The following PRICKLE2 variants were observed in gnomAD, a reference collection of about 807,000 sequenced individuals.
The protein encoded by PRICKLE2 is prickle-like protein 2.
In PRICKLE2, 21 loss-of-function variants were observed where a neutral mutation model predicts 81.4. The observed-to-expected ratio is 0.26, with a 90% CI of 0.18 to 0.37. The LOEUF is 0.37. Ranked by LOEUF, PRICKLE2 falls within the 10% of genes least tolerant of loss-of-function variation. PRICKLE2 has a pLI of 1.00. For synonymous variants in PRICKLE2, 456 were observed against 421.5 expected (o/e 1.08, Z -1.00); for missense variants, 940 against 1,109.0 (o/e 0.85, Z 2.16).
chr3:64,170,529 T>C (rs1031380974), intron 2 of PRICKLE2, among the ~76,000 whole-genome samples: 2 of 151,958 alleles, frequency 1.3e-5, no homozygotes, highest in Non-Finnish European at 2.9e-5. Context: ...AACAACTCCA[T>C]TGGAATATAA....
intron 7 of PRICKLE2, chr3:64,101,513 G>C (rs1203743606): frequency 6.6e-6 from 1 of 152,080 alleles, no homozygotes; most frequent in Admixed American, 6.6e-5. Context: ...AACTTGAAGG[G>C]GCCCCCACTG....
intron 2 of PRICKLE2, among the ~76,000 whole-genome samples, chr3:64,164,527 G>C (rs997476800): frequency 2.0e-5 from 3 of 152,214 alleles, no homozygotes; most frequent in African/African-American, 7.2e-5. Context: ...GTTAGAAGAG[G>C]GGGTGAAAAG....
intron 2 of PRICKLE2, among the ~76,000 whole-genome samples, chr3:64,251,442 G>C (rs1220343772): frequency 6.6e-6 from 1 of 152,180 alleles, no homozygotes; most frequent in Non-Finnish European, 1.5e-5. Context: ...AGTGGGACAG[G>C]GGGGCAAGAA....
chr3:64,136,724 C>A (rs1051234333), intron 7 of PRICKLE2, among the ~76,000 whole-genome samples: 2 of 151,798 alleles, frequency 1.3e-5, no homozygotes, highest in Non-Finnish European at 2.9e-5. Context: ...GAGGGAGATG[C>A]TAAAGAAGTT....
chr3:64,180,541 A>ATTTTT (rs4018890), intron 2 of PRICKLE2, among the ~76,000 whole-genome samples: 1 of 149,774 alleles, frequency 6.7e-6, no homozygotes, highest in Non-Finnish European at 1.5e-5. Context: ...TTTGAGAATG[A>ATTTTT]TTTTTTTTTT....
chr3:64,159,353 G>A (rs1190131299), intron 4 of PRICKLE2, among the ~76,000 whole-genome samples: 1 of 152,206 alleles, frequency 6.6e-6, no homozygotes, highest in Non-Finnish European at 1.5e-5. Flanking sequence ...GCTGACCCAT[G>A]GCCCAAGCCA....
rs1335073094 is a variant in PRICKLE2, at chr3:64,095,627, C to A, written c.*3424G>T. 6.6e-6 allele frequency: 1 copy of A among 152,190 alleles called. No individual in the cohort carries two copies. Among genetic ancestry groups the A allele is most frequent in the African/African-American group, 2.4e-5 (1 of 41,432 alleles). 9.4% of individuals were successfully genotyped at this position (152,190 alleles called of 1,614,324 possible). On this transcript the variant is annotated 3_prime_UTR_variant, in exon 8 of 8. Transcript: ENST00000638394. The stretch of plus-strand genomic sequence containing the variant: ...CTAGTAGTACCCAAGAAGCAGAAAG[C>A]TGCTGCAGAAGGAAGAAAACATAAT...
chr3:64,097,380 C>T lies in PRICKLE2; in HGVS notation c.*1671G>A, dbSNP rs1303075163. 1 of 152,536 alleles carries T rather than the reference C, an allele frequency of 6.6e-6. No homozygotes were observed. The highest frequency in any genetic ancestry group is 1.5e-5 in the Non-Finnish European group (1 of 68,048). 9.4% of individuals were successfully genotyped at this position (152,536 alleles called of 1,614,324 possible). ...TGAAAAGAGATCACGCTCACCTCAC[C>T]ATGGCAGATGGCCACTGAGATACAC... is the stretch of plus-strand genomic sequence containing the variant. On this transcript the variant is annotated 3_prime_UTR_variant, in exon 8 of 8. Transcript: ENST00000638394.
At chr3:64,238,081 G>A (rs1331458742) in intron 2 of PRICKLE2, among the ~76,000 whole-genome samples, 1 of 152,168 alleles carries the variant, frequency 6.6e-6, no homozygotes, top group Non-Finnish European at 1.5e-5. Context: ...ATCAGGGGAG[G>A]ACCAGACCAA....
upstream of PRICKLE2, chr3:64,225,585 C>T (rs1429231581): frequency 2.1e-5 from 8 of 376,722 alleles, no homozygotes; most frequent in Admixed American, 6.4e-5. Flanking sequence ...GCCTTGCCTT[C>T]CAAATCAATA....
At chr3:64,125,813 T>C (rs2077097070) in intron 7 of PRICKLE2, among the ~76,000 whole-genome samples, 1 of 152,218 alleles carries the variant, frequency 6.6e-6, no homozygotes, top group Non-Finnish European at 1.5e-5. Context: ...ATGAAATATC[T>C]CTGAGGTATG....
chr3:64,264,927 A>G (rs1256676231), intron 2 of PRICKLE2, among the ~76,000 whole-genome samples: 1 of 152,178 alleles, frequency 6.6e-6, no homozygotes, highest in African/African-American at 2.4e-5. Context: ...AAAGTCAAAT[A>G]TGAAGCAATT....
intron 1 of PRICKLE2, among the ~76,000 whole-genome samples, chr3:64,201,820 G>A (rs1023954295): frequency 3.3e-5 from 5 of 151,922 alleles, no homozygotes; most frequent in South Asian, 2.1e-4. Context: ...CATAACTCAC[G>A]GTCATAAAGA....
rs924815882 is a variant in PRICKLE2 at position 64,207,476 on chromosome 3, A to C, written c.-40-8509T>G. Among the ~76,000 whole-genome samples, 3 of 152,146 alleles carry C rather than the reference A, an allele frequency of 2.0e-5. No individual in the cohort carries two copies. The East Asian group carries it at 5.8e-4, about 29-fold the overall frequency. On this transcript the variant is annotated intron_variant, in intron 1 of 7. Transcript: ENST00000638394. ...GACTTCATTCTACGTGTTCCTCATC[A>C]GCCAGAGCCAGGGGATAAGACTCTG... is the stretch of plus-strand genomic sequence containing the variant.
At chr3:64,203,695 G>T (rs929176580) in intron 1 of PRICKLE2, among the ~76,000 whole-genome samples, 1 of 152,082 alleles carries the variant, frequency 6.6e-6, no homozygotes, top group African/African-American at 2.4e-5. Context: ...GAGACGATGG[G>T]GAGGGCTGAG....
intron 2 of PRICKLE2, among the ~76,000 whole-genome samples, chr3:64,265,801 A>G (rs1193733975): frequency 1.3e-5 from 2 of 152,208 alleles, no homozygotes; most frequent in East Asian, 3.9e-4. Context: ...TGTGTCCCTA[A>G]GGATAACAAT....
chr3:64,216,866 C>T (rs1460805616), intron 1 of PRICKLE2, among the ~76,000 whole-genome samples: 1 of 152,220 alleles, frequency 6.6e-6, no homozygotes, highest in African/African-American at 2.4e-5. Flanking sequence ...GTGGCCCAAC[C>T]TCCACAGGAT....
chr3:64,225,251 A>G lies in PRICKLE2; in HGVS notation c.-382T>C, dbSNP rs1234041811. The G allele has an allele frequency of 2.0e-6, 2 of 985,428 alleles. No homozygotes were observed. The highest frequency in any genetic ancestry group is 2.4e-6 in the Non-Finnish European group (2 of 830,004). 61.0% of individuals were successfully genotyped at this position (985,428 alleles called of 1,614,324 possible). ...TCAGATCGCCTTCCGGAGGACCCCC[A>G]GTTTCCTCTTAACTCCCCTTCTTCA... On this transcript the variant is annotated 5_prime_UTR_variant, in exon 1 of 8. Coordinates refer to ENST00000638394, the MANE Select transcript of PRICKLE2 (RefSeq NM_198859.4).
At chr3:64,260,589 C>A (rs1354537125) in intron 2 of PRICKLE2, among the ~76,000 whole-genome samples, 1 of 152,224 alleles carries the variant, frequency 6.6e-6, no homozygotes, top group African/African-American at 2.4e-5. Context: ...AATAAATAAA[C>A]CATGGCTTAT....
Sources: allele counts gnomAD v4.1 joint callset (sites outside exome capture counted in the v4.1 genomes callset), GRCh38; gene constraint gnomAD v4.1.1; transcripts MANE v1.5; gene names NCBI Gene and HGNC (gene_info 2026-07-23, HGNC 2026-07-21).